The following RSPH3 variants were observed in gnomAD, a reference collection of about 807,000 sequenced individuals.
RSPH3 encodes the protein radial spoke head 3.
RSPH3 carries 21 observed loss-of-function variants against 43.8 expected under a neutral mutation model. That is an observed-to-expected ratio of 0.48 (90% CI 0.34 to 0.69). The LOEUF is 0.69. Among genes scored for constraint, RSPH3 ranks in the 30% least tolerant of loss-of-function variants. The probability of loss-of-function intolerance (pLI) is 0.01; values close to 1 mark genes in which losing one functional copy is unlikely to be tolerated. For missense variants in RSPH3, 487 were observed against 516.0 expected (o/e 0.94, Z 0.54); for synonymous variants, 173 against 179.8 (o/e 0.96, Z 0.30).
chr6:158,993,924 T>A lies in RSPH3; in HGVS notation c.119A>T (p.Asp40Val). 1.9e-6 allele frequency: 3 copies of A among 1,599,364 alleles called. No homozygotes were observed. Among genetic ancestry groups the A allele is most frequent in the Non-Finnish European group, 2.6e-6 (3 of 1,167,074 alleles). Residue 40 changes from aspartate to valine, a missense_variant and splice_region_variant, in exon 2 of 8, where the codon GAT becomes GTT. Coordinates refer to ENST00000367069, the MANE Select transcript of RSPH3 (RefSeq NM_031924.8). Reference sequence around the variant, plus strand: ...GTTTCCATAATGCATAGGTTCTTCATCTCTGTAAAACAGAAAATTCTGTAT... The same window carrying A: ...GTTTCCATAATGCATAGGTTCTTCAACTCTGTAAAACAGAAAATTCTGTAT... ...SRYRDSLTQP[D>V]EEPMHYGNIM...
chr6:158,984,335 A>T (rs117517664), intron 3 of RSPH3, among the ~76,000 whole-genome samples: 2,690 of 150,706 alleles, frequency 0.018, 33 homozygotes, highest in Middle Eastern at 0.024. Flanking sequence ...CTGAATGTCT[A>T]GAAAGCACTG....
downstream of RSPH3, among the ~76,000 whole-genome samples, chr6:158,970,519 T>A (rs1356136127): frequency 6.6e-6 from 1 of 151,994 alleles, no homozygotes; most frequent in Non-Finnish European, 1.5e-5. Context: ...ACCCTATATG[T>A]AGTTTCCCGA....
chr6:158,964,155 A>G, the RSPH3 span, among the ~76,000 whole-genome samples: 2,702 of 152,300 alleles, frequency 0.018, 33 homozygotes, highest in Middle Eastern at 0.024. Context: ...CAATTAGGGG[A>G]AAAAATTCTG....
downstream of RSPH3, among the ~76,000 whole-genome samples, chr6:158,969,916 ACTTT>A (rs1451348035): frequency 1.3e-5 from 2 of 152,140 alleles, no homozygotes; most frequent in Non-Finnish European, 2.9e-5. Context: ...TCTCATACTT[ACTTT>A]AATTCTTTAG....
intron 3 of RSPH3, among the ~76,000 whole-genome samples, chr6:158,985,623 C>A (rs975257971): frequency 3.9e-5 from 6 of 151,960 alleles, no homozygotes; most frequent in Non-Finnish European, 7.4e-5. Flanking sequence ...GTAGAGATGG[C>A]GTCTTTGGTC....
chr6:158,962,993 A>C, the RSPH3 span, among the ~76,000 whole-genome samples: 2 of 152,342 alleles, frequency 1.3e-5, no homozygotes, highest in East Asian at 1.9e-4. Context: ...ATGATTGAAA[A>C]TGTTGTTTAT....
At chr6:158,993,794 A>G in intron 2 of RSPH3, 45 bp downstream of exon 2, 1 of 1,029,688 alleles carries the variant, frequency 9.7e-7, no homozygotes. Context: ...CCTTCCCCAT[A>G]GATAATGTGA....
intron 1 of RSPH3, among the ~76,000 whole-genome samples, chr6:158,997,808 C>T (rs1207244023): frequency 1.3e-5 from 2 of 152,042 alleles, no homozygotes; most frequent in Non-Finnish European, 2.9e-5. Flanking sequence ...AAAATTGAAT[C>T]CTTTTCTAAT....
At chr6:158,988,262 T>C in intron 2 of RSPH3, 1 of 152,220 alleles carries the variant, frequency 6.6e-6, no homozygotes, top group East Asian at 1.9e-4. Context: ...GCCAGATGGA[T>C]TGGAGCTCCT....
At chr6:158,965,562 G>T in the RSPH3 span, among the ~76,000 whole-genome samples, 17,250 of 151,984 alleles carry the variant, frequency 0.11, 1,717 homozygotes, top group East Asian at 0.42. Flanking sequence ...AAATGAGATT[G>T]TTTTCTTAAT....
At position 158,982,706 on chromosome 6, in the gene RSPH3, A is replaced by C; in HGVS notation, c.493-18T>G. ...TCAAAGAGCTTAAACATACAAAATA[A>C]AGCAAACTTAAAATTTTAATTACGA... On this transcript the variant is annotated intron_variant, in intron 4 of 7. Transcript: ENST00000367069. 6.4e-7 allele frequency: 1 copy of C among 1,561,062 alleles called. No individual in the cohort carries two copies. Among genetic ancestry groups the C allele is most frequent in the Non-Finnish European group, 8.8e-7 (1 of 1,140,990 alleles).
chr6:158,969,449 C>G (rs921234949), downstream of RSPH3, among the ~76,000 whole-genome samples: 1 of 152,220 alleles, frequency 6.6e-6, no homozygotes, highest in African/African-American at 2.4e-5. Context: ...CTATTTGTCT[C>G]TGTCTCTTGA....
At position 158,982,529 on chromosome 6, in the gene RSPH3, C is replaced by T. The variant is rs753271374; in HGVS notation, c.652G>A (p.Val218Ile). The T allele has an allele frequency of 3.1e-6, 5 of 1,612,954 alleles. No homozygotes were observed. Among genetic ancestry groups the T allele is most frequent in the East Asian group, 2.2e-5 (1 of 44,812 alleles). Reference sequence around the variant, plus strand: ...CTCTCTTGCTCTTCAAGTCGTTGAACTTCAGCACGTTCACTATTCCGTAGT... The same window carrying T: ...CTCTCTTGCTCTTCAAGTCGTTGAATTTCAGCACGTTCACTATTCCGTAGT... ...EELRNSERAE[V>I]QRLEEQERRH... is the part of the protein sequence containing the mutation. The change falls in exon 5 of 8, where the codon GTT becomes ATT. Residue 218 changes from valine to isoleucine, a missense_variant. Physicochemically the swap from Val to Ile is conservative, Grantham distance 29. Coordinates refer to ENST00000367069, the MANE Select transcript of RSPH3 (RefSeq NM_031924.8).
chr6:158,998,001 C>CTAG (rs1778654717), intron 1 of RSPH3, among the ~76,000 whole-genome samples: 1 of 146,798 alleles, frequency 6.8e-6, no homozygotes, highest in Admixed American at 6.9e-5. Context: ...GTATTAAGTG[C>CTAG]TTACTATGTA....
chr6:158,977,976 CT>C, intron 7 of RSPH3, 128 bp from the exon 8 acceptor site: 2 of 775,026 alleles, frequency 2.6e-6, no homozygotes, highest in Non-Finnish European at 2.0e-6. Context: ...ATGTCATAAC[CT>C]TTTTTGGAAG....
downstream of RSPH3, among the ~76,000 whole-genome samples, chr6:158,970,159 C>T (rs376516826): frequency 3.9e-5 from 6 of 152,154 alleles, no homozygotes; most frequent in East Asian, 7.7e-4. Context: ...TTGTACCACC[C>T]GTCCAACCTG....
At chr6:158,997,188 A>C (rs2128611388) in intron 1 of RSPH3, among the ~76,000 whole-genome samples, 1 of 152,176 alleles carries the variant, frequency 6.6e-6, no homozygotes, top group East Asian at 1.9e-4. Flanking sequence ...TGTGAGCTAA[A>C]TAGATCTCTT....
rs1217255539 is a variant in RSPH3 at position 158,989,985 on chromosome 6, A to G, written c.205-3564T>C. 6.6e-6 allele frequency among the ~76,000 whole-genome samples: 1 copy of G among 152,152 alleles called. No individual in the cohort carries two copies. Among genetic ancestry groups the G allele is most frequent in the African/African-American group, 2.4e-5 (1 of 41,430 alleles). On this transcript the variant is annotated intron_variant, in intron 2 of 7. Coordinates refer to ENST00000367069, the MANE Select transcript of RSPH3 (RefSeq NM_031924.8). This position sits in a 1 kb window ranked among gnomAD's most constrained non-coding sequence, Gnocchi z 4.3. ...CAGAGTGGCTAGAATATAAGCAGGC[A>G]GAAAAATGTGGAAAGAGAGACTGGC...
intron 6 of RSPH3, among the ~76,000 whole-genome samples, chr6:158,980,565 T>G (rs1777999558): frequency 6.6e-6 from 1 of 152,188 alleles, no homozygotes; most frequent in Admixed American, 6.5e-5. Context: ...AAATGTTGCT[T>G]CTCAATAAAC....
Sources: allele counts gnomAD v4.1 joint callset (sites outside exome capture counted in the v4.1 genomes callset), GRCh38; gene constraint gnomAD v4.1.1; non-coding constraint Gnocchi (gnomAD v3.1); transcripts MANE v1.5; gene names NCBI Gene and HGNC (gene_info 2026-07-23, HGNC 2026-07-21).